The following ZNF131 variants were observed in gnomAD, a reference collection of about 807,000 sequenced individuals.
ZNF131 encodes zinc finger protein 131.
In ZNF131, 7 loss-of-function variants were observed where a neutral mutation model predicts 60.0. That is an observed-to-expected ratio of 0.12 (90% confidence interval 0.07 to 0.22). ZNF131 has a LOEUF of 0.22. Among genes scored for constraint, ZNF131 ranks in the 10% least tolerant of loss-of-function variants. The pLI is 1.00. For missense variants in ZNF131, 493 were observed against 740.9 expected (o/e 0.67, Z 3.88); for synonymous variants, 257 against 253.2 (o/e 1.01, Z -0.14).
At chr5:43,144,907 G>A (rs369495368) in intron 4 of ZNF131, among the ~76,000 whole-genome samples, 1 of 151,636 alleles carries the variant, frequency 6.6e-6, no homozygotes, top group African/African-American at 2.4e-5. Context: ...TCAGGTGAGA[G>A]CCAACAACCT....
chr5:43,122,018 T>A (rs764213044), intron 1 of ZNF131, 21 bp from the exon 2 acceptor site: 4 of 1,612,184 alleles, frequency 2.5e-6, no homozygotes, highest in Non-Finnish European at 3.4e-6. Flanking sequence ...GGGTGTACAT[T>A]ATCATGCTCT....
At chr5:43,126,596 C>G (rs1400545199) in intron 3 of ZNF131, among the ~76,000 whole-genome samples, 1 of 150,028 alleles carries the variant, frequency 6.7e-6, no homozygotes, top group African/African-American at 2.4e-5. Context: ...GGAATTTTAG[C>G]TTCTTTGTGC....
At chr5:43,157,516 T>A (rs1172911375) in intron 4 of ZNF131, among the ~76,000 whole-genome samples, 1 of 151,488 alleles carries the variant, frequency 6.6e-6, no homozygotes. Flanking sequence ...AGAGTCTCTC[T>A]CCCACAGAAG....
At chr5:43,161,156 A>G (rs1284325765) in intron 4 of ZNF131, 93 bp from the exon 5 acceptor site, 9 of 1,138,914 alleles carry the variant, frequency 7.9e-6, no homozygotes, top group Non-Finnish European at 7.5e-6. Context: ...ATAACTGTTT[A>G]TATAAATTTT....
At chr5:43,134,696 T>TTC (rs1745816889) in intron 3 of ZNF131, among the ~76,000 whole-genome samples, 1 of 134,418 alleles carries the variant, frequency 7.4e-6, no homozygotes, top group Non-Finnish European at 1.6e-5. Flanking sequence ...TTTTTTTCTT[T>TTC]TTTTTTTTTT....
At chr5:43,161,999 C>T (rs2111958397) in intron 5 of ZNF131, 68 bp downstream of exon 5, 1 of 1,431,240 alleles carries the variant, frequency 7.0e-7, no homozygotes, top group Admixed American at 2.6e-5. Context: ...TATCTAAATC[C>T]TTTTTAAAAA....
In ZNF131 at chr5:43,120,960, G is replaced by A. The variant is rs140499463; in HGVS notation, c.-179G>A. ...CCCAACCGAACGCACGTGCGCCAGC[G>A]GGGCCCGAGCAGAAGGGGAGCCCCG... On this transcript the variant is annotated 5_prime_UTR_variant, in exon 1 of 7. Transcript: ENST00000682664. The A allele has an allele frequency of 4.3e-3, 651 of 152,350 alleles. 4 individuals are homozygous for A. The highest frequency in any genetic ancestry group is 7.2e-3 in the Non-Finnish European group (488 of 68,050). 9.4% of individuals were successfully genotyped at this position (152,350 alleles called of 1,614,324 possible). A position where few individuals can be genotyped will look rare whatever the true frequency, so the allele number is the denominator to read the frequency against.
At chr5:43,121,383 G>C (rs990457961) in intron 1 of ZNF131, 1 of 152,744 alleles carries the variant, frequency 6.5e-6, no homozygotes, top group East Asian at 1.9e-4. Flanking sequence ...GCAAGCCCTC[G>C]CCCTTCGTGA....
intron 1 of ZNF131, chr5:43,121,798 G>T (rs1040936212): frequency 4.8e-5 from 15 of 312,338 alleles, no homozygotes; most frequent in Middle Eastern, 9.3e-4. Flanking sequence ...TGCCCACCCC[G>T]CTCTAGCTCG....
chr5:43,123,188 T>G, intron 2 of ZNF131, 21 bp from the exon 3 acceptor site: 1 of 1,567,066 alleles, frequency 6.4e-7, no homozygotes. Context: ...TGATTTTCTT[T>G]TTTTTTCTTA....
Position 43,125,773 on chromosome 5 carries a change from T to A in ZNF131, c.226+2463T>A, listed in dbSNP as rs764534298. ...CCAGCCTGGGCAACAAGAGTGAAAC[T>A]CCGTCTCAAAGAAAAAAAAAAGGAA... is the stretch of plus-strand genomic sequence containing the variant. On this transcript the variant is annotated intron_variant, in intron 3 of 6. Transcript: ENST00000682664. 1.3e-4 allele frequency among the ~76,000 whole-genome samples: 20 copies of A among 150,934 alleles called. 1 individual carries two copies. Among genetic ancestry groups the A allele is most frequent in the Non-Finnish European group, 2.7e-4 (18 of 67,852 alleles).
At chr5:43,136,921 G>A (rs1156736616) in intron 3 of ZNF131, among the ~76,000 whole-genome samples, 1 of 152,116 alleles carries the variant, frequency 6.6e-6, no homozygotes, top group Non-Finnish European at 1.5e-5. Context: ...AAATAATATG[G>A]TCAACTGATC....
chr5:43,139,294 A>G lies in ZNF131; in HGVS notation c.356A>G (p.Lys119Arg). 1.2e-6 allele frequency: 2 copies of G among 1,606,400 alleles called. No individual in the cohort carries two copies. The highest frequency in any genetic ancestry group is 2.2e-5 in the East Asian group (1 of 44,568). Residue 119 changes from lysine to arginine, a missense_variant, in exon 4 of 7, where the codon AAA becomes AGA. Lys to Arg is a conservative substitution (Grantham distance 26). Coordinates refer to ENST00000682664, the MANE Select transcript of ZNF131 (RefSeq NM_001330707.2). ...TTTCTACAAATGCTAGAAGCTATCAAAGCCCTTGAAGTCAGGTACTTAATT... is the reference window on the plus strand; with the variant it reads ...TTTCTACAAATGCTAGAAGCTATCAGAGCCCTTGAAGTCAGGTACTTAATT... ...AEFLQMLEAI[K>R]ALEVRNKENS...
chr5:43,167,430 G>T (rs1750501268), intron 5 of ZNF131, among the ~76,000 whole-genome samples: 1 of 152,052 alleles, frequency 6.6e-6, no homozygotes, highest in South Asian at 2.1e-4. Flanking sequence ...AATAAAAAAT[G>T]GATCATTTTT....
At chr5:43,159,946 G>C (rs1397438876) in intron 4 of ZNF131, among the ~76,000 whole-genome samples, 1 of 152,086 alleles carries the variant, frequency 6.6e-6, no homozygotes, top group African/African-American at 2.4e-5. Context: ...GGAGGCCAAG[G>C]CGGGCAGATC....
At position 43,123,398 on chromosome 5, in the gene ZNF131, A is replaced by T. The variant is rs1363608620; in HGVS notation, c.226+88A>T. The T allele has an allele frequency of 6.0e-6, 7 of 1,164,408 alleles. No homozygotes were observed. The African/African-American group carries it at 1.1e-4, about 18-fold the overall frequency. The allele number at this position is 1,164,408 out of a possible 1,614,324, so 72.1% of individuals were successfully genotyped here. Reference sequence around the variant, plus strand: ...GTTTTAAATACAATACTTAGCAAACAATTGGTGAAGCAGTTTTAGACAGTT... The same window carrying T: ...GTTTTAAATACAATACTTAGCAAACTATTGGTGAAGCAGTTTTAGACAGTT... On this transcript the variant is annotated intron_variant, in intron 3 of 6. Coordinates refer to ENST00000682664, the MANE Select transcript of ZNF131 (RefSeq NM_001330707.2).
chr5:43,165,300 A>C (rs1750212649), intron 5 of ZNF131, among the ~76,000 whole-genome samples: 2 of 142,712 alleles, frequency 1.4e-5, no homozygotes, highest in Admixed American at 1.5e-4. Context: ...TTCTTTTGAG[A>C]CCTCTCTCTT....
intron 5 of ZNF131, among the ~76,000 whole-genome samples, chr5:43,169,474 C>A (rs1750723649): frequency 1.3e-5 from 2 of 152,182 alleles, no homozygotes; most frequent in African/African-American, 4.8e-5. Context: ...TTTCAGGTAG[C>A]CATAGACGCT....
chr5:43,158,751 A>T (rs1432143752), intron 4 of ZNF131, among the ~76,000 whole-genome samples: 1 of 152,212 alleles, frequency 6.6e-6, no homozygotes. Flanking sequence ...TGTTGACTAT[A>T]CAGTGTAGTC....
Sources: gnomAD v4.1 joint callset for allele counts (sites outside exome capture counted in the v4.1 genomes callset) on GRCh38, gnomAD v4.1.1 for gene constraint, MANE v1.5 for transcripts, NCBI Gene and HGNC (gene_info 2026-07-23, HGNC 2026-07-21) for gene names.